PLEKHM3: variants seen among roughly 807,000 people sequenced by gnomAD.
The protein encoded by PLEKHM3 is pleckstrin homology domain-containing family M member 3.
A neutral mutation model predicts 81.8 loss-of-function variants in PLEKHM3; 45 were observed. The ratio of observed to expected loss-of-function variants is 0.55; its 90% CI spans 0.43 to 0.71. PLEKHM3 has a LOEUF of 0.71. Ranked by LOEUF, PLEKHM3 falls within the 30% of genes least tolerant of loss-of-function variation. The pLI is 0.00. For missense variants in PLEKHM3, 788 were observed against 924.3 expected (o/e 0.85, Z 1.91); for synonymous variants, 352 against 356.4 (o/e 0.99, Z 0.14).
intron 5 of PLEKHM3, among the ~76,000 whole-genome samples, chr2:207,920,795 CA>C (rs1689156359): frequency 6.6e-6 from 1 of 152,020 alleles, no homozygotes; most frequent in African/African-American, 2.4e-5. Flanking sequence ...TTTAAGTTTA[CA>C]GGTCTGGGAC....
At chr2:207,910,459 G>T (rs532637477) in intron 5 of PLEKHM3, among the ~76,000 whole-genome samples, 1 of 152,280 alleles carries the variant, frequency 6.6e-6, no homozygotes, top group African/African-American at 2.4e-5. Flanking sequence ...CCTCACAATA[G>T]CCCTGGATGG....
At chr2:207,833,731 G>A (rs982494559) in intron 7 of PLEKHM3, among the ~76,000 whole-genome samples, 4 of 152,052 alleles carry the variant, frequency 2.6e-5, no homozygotes, top group African/African-American at 7.2e-5. Flanking sequence ...ATGCCTCTGC[G>A]GGCAAAACCA....
chr2:207,954,278 C>T (rs552924082), intron 3 of PLEKHM3, among the ~76,000 whole-genome samples: 67 of 152,206 alleles, frequency 4.4e-4, no homozygotes, highest in African/African-American at 1.6e-3. Context: ...ATACCTTGAG[C>T]CCAGGAGTTC....
intron 3 of PLEKHM3, among the ~76,000 whole-genome samples, chr2:207,947,252 G>A (rs1381133845): frequency 6.6e-6 from 1 of 152,134 alleles, no homozygotes; most frequent in East Asian, 1.9e-4. Context: ...ATATTCACAT[G>A]TATTACCTCT....
intron 3 of PLEKHM3, among the ~76,000 whole-genome samples, chr2:207,973,307 T>C (rs976905549): frequency 6.2e-4 from 94 of 152,258 alleles, no homozygotes; most frequent in African/African-American, 2.2e-3. Flanking sequence ...TCTGCTATAA[T>C]AATCTCTGAT....
intron 1 of PLEKHM3, among the ~76,000 whole-genome samples, chr2:208,014,635 C>T (rs1055025554): frequency 5.3e-5 from 8 of 152,376 alleles, no homozygotes; most frequent in Admixed American, 5.2e-4. Context: ...CAGAGTCAGA[C>T]TCCATCTCAA....
intron 7 of PLEKHM3, among the ~76,000 whole-genome samples, chr2:207,840,797 A>ATT (rs1234865200): frequency 2.7e-5 from 3 of 110,258 alleles, no homozygotes; most frequent in Admixed American, 1.8e-4. Context: ...AACACTTTTT[A>ATT]TGTTTTTTTT....
rs1297099380 is a variant in PLEKHM3, at chr2:207,827,468, T to C, written c.*851A>G. 1 of 152,018 alleles carries C rather than the reference T, an allele frequency of 6.6e-6. No individual in the cohort carries two copies. Among genetic ancestry groups the C allele is most frequent in the Non-Finnish European group, 1.5e-5 (1 of 68,036 alleles). The allele number at this position is 152,018 out of a possible 1,614,324, so 9.4% of individuals were successfully genotyped here. A position where few individuals can be genotyped will look rare whatever the true frequency, so the allele number is the denominator to read the frequency against. On this transcript the variant is annotated 3_prime_UTR_variant, in exon 8 of 8. Transcript: ENST00000427836. ...AGCATCATGAAAAAAATCATAAATA[T>C]CAACCATGGGCACCCGTTGAAAACT...
intron 6 of PLEKHM3, among the ~76,000 whole-genome samples, chr2:207,893,931 C>T (rs1423673845): frequency 6.6e-6 from 1 of 152,104 alleles, no homozygotes; most frequent in African/African-American, 2.4e-5. Context: ...GCCTGCGAAA[C>T]ACAGCGAGAC....
intron 3 of PLEKHM3, among the ~76,000 whole-genome samples, chr2:207,973,670 C>T (rs989490257): frequency 2.0e-5 from 3 of 151,782 alleles, no homozygotes; most frequent in Non-Finnish European, 4.4e-5. Flanking sequence ...ACCCAGGAGG[C>T]GGAGGTTGCA....
Position 207,976,115 on chromosome 2 carries a change from T to C in PLEKHM3, c.1546+536A>G, listed in dbSNP as rs1040028652. 7.2e-5 allele frequency among the ~76,000 whole-genome samples: 11 copies of C among 152,200 alleles called. No individual in the cohort carries two copies. Among genetic ancestry groups the C allele is most frequent in the African/African-American group, 2.7e-4 (11 of 41,432 alleles). ...TCAGTGGTCATCTGCTGAATCATCA[T>C]TTACTCCGCTTTTAGCCACCCCCAC... On this transcript the variant is annotated intron_variant, in intron 3 of 7. Coordinates refer to ENST00000427836, the MANE Select transcript of PLEKHM3 (RefSeq NM_001080475.3). The surrounding 1 kb of genome is among the most constrained non-coding windows in gnomAD (Gnocchi z 4.1).
chr2:207,858,155 T>TGG (rs2092446205), intron 7 of PLEKHM3, among the ~76,000 whole-genome samples: 1 of 98,072 alleles, frequency 1.0e-5, no homozygotes, highest in Non-Finnish European at 2.3e-5. Flanking sequence ...TGTGTGTGTG[T>TGG]GTGTGTGTGT....
At position 207,930,977 on chromosome 2, in the gene PLEKHM3, C is replaced by A. The variant is rs748729839; in HGVS notation, c.1835G>T (p.Arg612Leu). 1.2e-6 allele frequency: 2 copies of A among 1,613,722 alleles called. No homozygotes were observed. Among genetic ancestry groups the A allele is most frequent in the Non-Finnish European group, 8.5e-7 (1 of 1,179,678 alleles). The change falls in exon 5 of 8, where the codon CGA (arginine) becomes CTA (leucine). Residue 612 changes from arginine (R) to leucine (L), a missense_variant. Physicochemically the swap from Arg to Leu is moderately radical, Grantham distance 102. Transcript: ENST00000427836. Reference sequence around the variant, plus strand: ...TGCCCGGCAGCTGAACAAATAGGCTCGGAGCGACTTCAGCCGCTGCCGCAG... The same window carrying A: ...TGCCCGGCAGCTGAACAAATAGGCTAGGAGCGACTTCAGCCGCTGCCGCAG... ...LRLRQRLKSL[R>L]AYLFSCRAAV...
intron 6 of PLEKHM3, among the ~76,000 whole-genome samples, chr2:207,901,913 T>A (rs1218121595): frequency 6.6e-6 from 1 of 152,224 alleles, no homozygotes; most frequent in East Asian, 1.9e-4. Context: ...CAGTGCCGGC[T>A]GCAGCGGACA....
rs79457843 is a variant in PLEKHM3 at position 207,936,266 on chromosome 2, C to T, written c.1693-5147G>A. ...GGATTATAGGCACGAGCCACTGCGC[C>T]CAGTCTATTTGTGTATTTTTTTTAC... On this transcript the variant is annotated intron_variant, in intron 4 of 7. Transcript: ENST00000427836. Among the ~76,000 whole-genome samples the T allele has an allele frequency of 5.3e-5, 8 of 152,300 alleles. No individual in the cohort carries two copies. In the East Asian group the frequency reaches 9.6e-4, roughly 18 times the overall value.
At chr2:207,922,168 A>G (rs1292068610) in intron 5 of PLEKHM3, among the ~76,000 whole-genome samples, 1 of 152,112 alleles carries the variant, frequency 6.6e-6, no homozygotes, top group Non-Finnish European at 1.5e-5. Context: ...CTTTTTGATA[A>G]TAGCCATTCT....
chr2:207,914,247 G>T (rs2105910394), intron 5 of PLEKHM3, among the ~76,000 whole-genome samples: 1 of 152,134 alleles, frequency 6.6e-6, no homozygotes, highest in African/African-American at 2.4e-5. Context: ...TGTAATCCCA[G>T]CACTTCGGGA....
intron 7 of PLEKHM3, among the ~76,000 whole-genome samples, chr2:207,831,938 G>GATTT (rs1463057053): frequency 6.6e-6 from 1 of 152,186 alleles, no homozygotes; most frequent in Admixed American, 6.5e-5. Flanking sequence ...GTTAGTCAGT[G>GATTT]ATTTATACAC....
chr2:207,914,498 CAA>C (rs533478221), intron 5 of PLEKHM3, among the ~76,000 whole-genome samples: 1 of 133,238 alleles, frequency 7.5e-6, no homozygotes. Context: ...AACTCCGTCT[CAA>C]AAAAAAAAAC....
Sources: gnomAD v4.1 joint callset for allele counts (sites outside exome capture counted in the v4.1 genomes callset) on GRCh38, gnomAD v4.1.1 for gene constraint, Gnocchi (gnomAD v3.1) non-coding constraint, MANE v1.5 for transcripts, NCBI Gene and HGNC (gene_info 2026-07-23, HGNC 2026-07-21) for gene names.